The following ZBTB20 variants were observed in gnomAD, a reference collection of about 807,000 sequenced individuals.
ZBTB20 encodes zinc finger and BTB domain-containing protein 20.
ZBTB20 carries 9 observed loss-of-function variants against 56.9 expected under a neutral mutation model. The ratio of observed to expected loss-of-function variants is 0.16; its 90% CI spans 0.10 to 0.28. ZBTB20 has a LOEUF of 0.28. Ranked by LOEUF, ZBTB20 falls within the 10% of genes least tolerant of loss-of-function variation. The probability of loss-of-function intolerance (pLI) is 1.00; values close to 1 mark genes in which losing one functional copy is unlikely to be tolerated. For synonymous variants in ZBTB20, 417 were observed against 420.7 expected (o/e 0.99, Z 0.11); for missense variants, 655 against 1,003.0 (o/e 0.65, Z 4.69).
At chr3:114,870,252 G>A (rs78645291) in intron 4 of ZBTB20, among the ~76,000 whole-genome samples, 7,235 of 152,000 alleles carry the variant, frequency 0.048, 459 homozygotes, top group African/African-American at 0.14. Context: ...CTGAAAAGTA[G>A]AGGTCTTTTC....
At chr3:114,775,484 C>A (rs991961885) in intron 5 of ZBTB20, among the ~76,000 whole-genome samples, 12 of 143,986 alleles carry the variant, frequency 8.3e-5, no homozygotes, top group African/African-American at 3.1e-4. Context: ...TTTTTTTTTT[C>A]TTTCTCCTTA....
At chr3:114,951,161 T>G (rs1263960312) in intron 3 of ZBTB20, among the ~76,000 whole-genome samples, 1 of 152,174 alleles carries the variant, frequency 6.6e-6, no homozygotes, top group Non-Finnish European at 1.5e-5. Context: ...TCTGAATTTG[T>G]AACTGTTTTC....
chr3:114,372,062 C>T (rs2083082074), intron 10 of ZBTB20, among the ~76,000 whole-genome samples: 1 of 152,194 alleles, frequency 6.6e-6, no homozygotes, highest in African/African-American at 2.4e-5. Context: ...CATGCTTGCT[C>T]TCAATCAATC....
chr3:115,009,710 A>C (rs559187316), intron 2 of ZBTB20, among the ~76,000 whole-genome samples: 1 of 152,054 alleles, frequency 6.6e-6, no homozygotes, highest in East Asian at 2.0e-4. Flanking sequence ...GATTAATGTT[A>C]TCACAGCAGT....
chr3:114,473,056 T>C (rs901178512), intron 7 of ZBTB20, among the ~76,000 whole-genome samples: 1 of 152,224 alleles, frequency 6.6e-6, no homozygotes, highest in South Asian at 2.1e-4. Flanking sequence ...GTACAAGGAC[T>C]GCGTGCCTCA....
At chr3:114,433,209 C>T (rs2090249978) in intron 7 of ZBTB20, among the ~76,000 whole-genome samples, 1 of 152,110 alleles carries the variant, frequency 6.6e-6, no homozygotes, top group African/African-American at 2.4e-5. Context: ...AAAGTCATGA[C>T]CACGTCTAAG....
rs551966304 is a variant in ZBTB20, at chr3:115,026,839, G to C, written c.-507+44380C>G. ...TGAAAAACATTGCGGGAGGAAAATA[G>C]AATAAAAAGCAACAGTAACAATATA... On this transcript the variant is annotated intron_variant, in intron 2 of 11. Coordinates refer to ENST00000675478, the MANE Select transcript of ZBTB20 (RefSeq NM_001348800.3). Among the ~76,000 whole-genome samples the C allele has an allele frequency of 2.6e-3, 388 of 150,058 alleles. 2 individuals carry two copies. Among genetic ancestry groups the C allele is most frequent in the African/African-American group, 9.2e-3 (380 of 41,108 alleles).
At chr3:114,494,776 C>T (rs1033271988) in intron 7 of ZBTB20, among the ~76,000 whole-genome samples, 1 of 152,198 alleles carries the variant, frequency 6.6e-6, no homozygotes, top group Non-Finnish European at 1.5e-5. Context: ...CCCATTTCCT[C>T]TTTACACTAA....
intron 4 of ZBTB20, among the ~76,000 whole-genome samples, chr3:114,823,102 C>A (rs2073343432): frequency 6.6e-6 from 1 of 152,078 alleles, no homozygotes; most frequent in Non-Finnish European, 1.5e-5. Context: ...AATGTCCTGG[C>A]CTAATCATCT....
chr3:115,115,428 T>C (rs967286648), intron 1 of ZBTB20, among the ~76,000 whole-genome samples: 8 of 152,096 alleles, frequency 5.3e-5, no homozygotes, highest in South Asian at 2.1e-4. Context: ...TATAACAACA[T>C]AGTTCTTCGA....
At chr3:114,844,537 A>C (rs1041345189) in intron 4 of ZBTB20, among the ~76,000 whole-genome samples, 98 of 138,844 alleles carry the variant, frequency 7.1e-4, no homozygotes, top group African/African-American at 2.3e-3. Flanking sequence ...AAAAAAAAAA[A>C]AAAAAAAAAA....
intron 3 of ZBTB20, among the ~76,000 whole-genome samples, chr3:114,957,268 T>A (rs1177487049): frequency 6.6e-6 from 1 of 152,156 alleles, no homozygotes; most frequent in Admixed American, 6.6e-5. Context: ...GTCAGTGCTC[T>A]TGAAATTAAG....
intron 2 of ZBTB20, among the ~76,000 whole-genome samples, chr3:114,987,098 A>T (rs1020849253): frequency 1.3e-5 from 2 of 152,186 alleles, no homozygotes; most frequent in African/African-American, 2.4e-5. Flanking sequence ...AGCATGTCAT[A>T]CAACCATGAT....
At position 114,316,397 on chromosome 3, in the gene ZBTB20, TAGCATCTGGTTTTGTAATG is replaced by T; in HGVS notation, c.*22589_*22607del. On this transcript the variant is annotated 3_prime_UTR_variant, in exon 12 of 12. Transcript: ENST00000675478. ...CTTGTTTCCTCTGCTGCTGTTTGTG[TAGCATCTGGTTTTGTAATG>T]AGCATCTGGATTTGTAATGAGCATC... 3 of 448,700 alleles carry T rather than the reference TAGCATCTGGTTTTGTAATG, an allele frequency of 6.7e-6. No homozygotes were observed. Among genetic ancestry groups the T allele is most frequent in the South Asian group, 1.7e-5 (1 of 59,760 alleles). The allele number at this position is 448,700 out of a possible 1,614,324, so 27.8% of individuals were successfully genotyped here.
At chr3:114,630,353 C>T (rs1391519689) in intron 6 of ZBTB20, among the ~76,000 whole-genome samples, 3 of 152,142 alleles carry the variant, frequency 2.0e-5, no homozygotes, top group Admixed American at 1.3e-4. Flanking sequence ...AGAGAAGTTG[C>T]TGGGGAGCTG....
chr3:115,012,121 C>T lies in ZBTB20; in HGVS notation c.-506-37705G>A, dbSNP rs575432677. 1.7e-4 allele frequency among the ~76,000 whole-genome samples: 26 copies of T among 150,892 alleles called. No homozygotes were observed. In the South Asian group the frequency reaches 2.9e-3, roughly 17 times the overall value. ...ATATCACCAGAGAAAATCATCTTCA[C>T]GAAAAGAAAAGAGGAAGAAAGGAAA... On this transcript the variant is annotated intron_variant, in intron 2 of 11. Coordinates refer to ENST00000675478, the MANE Select transcript of ZBTB20 (RefSeq NM_001348800.3).
intron 5 of ZBTB20, among the ~76,000 whole-genome samples, chr3:114,730,161 T>C (rs2065627538): frequency 1.3e-5 from 2 of 151,946 alleles, no homozygotes; most frequent in South Asian, 4.2e-4. Context: ...AAATTATATA[T>C]GACAATCATC....
intron 6 of ZBTB20, among the ~76,000 whole-genome samples, chr3:114,546,157 G>C (rs1380347305): frequency 6.6e-6 from 1 of 152,200 alleles, no homozygotes; most frequent in South Asian, 2.1e-4. Context: ...AAAGCGGTGG[G>C]TGTAGATGTT....
At chr3:114,486,403 T>C (rs1577040313) in intron 7 of ZBTB20, among the ~76,000 whole-genome samples, 1 of 152,168 alleles carries the variant, frequency 6.6e-6, no homozygotes, top group Non-Finnish European at 1.5e-5. Flanking sequence ...TGTCAACAGA[T>C]AGTGCATGCT....
Sources: gnomAD v4.1 joint callset for allele counts (sites outside exome capture counted in the v4.1 genomes callset) on GRCh38, gnomAD v4.1.1 for gene constraint, MANE v1.5 for transcripts, NCBI Gene and HGNC (gene_info 2026-07-23, HGNC 2026-07-21) for gene names.